ZFP82: variants seen among roughly 807,000 people sequenced by gnomAD.
ZFP82 encodes the protein zinc finger protein 82 homolog.
ZFP82 carries 30 observed loss-of-function variants against 54.0 expected under a neutral mutation model. The observed-to-expected ratio is 0.56, with a 90% confidence interval of 0.42 to 0.75. The LOEUF (loss-of-function observed/expected upper bound fraction) is 0.75, where lower values mean the gene tolerates loss of function less well. Ranked by LOEUF, ZFP82 falls within the 30% of genes least tolerant of loss-of-function variation. The probability of loss-of-function intolerance (pLI) is 0.00; values close to 1 mark genes in which losing one functional copy is unlikely to be tolerated. For synonymous variants in ZFP82, 194 were observed against 209.5 expected (o/e 0.93, Z 0.64); for missense variants, 500 against 636.8 (o/e 0.79, Z 2.31).
At position 36,409,702 on chromosome 19, in the gene ZFP82, T is replaced by C. The variant is rs1467935050; in HGVS notation, c.9+79A>G. On this transcript the variant is annotated intron_variant, in intron 2 of 4. Coordinates refer to ENST00000392161, the MANE Select transcript of ZFP82 (RefSeq NM_133466.4). ...AGAAGGTTCTTGGATGGAGCTCTGA[T>C]AGTAAGGAAGTTTCAGAATAAAAAA... The C allele has an allele frequency of 4.7e-6, 7 of 1,491,382 alleles. No homozygotes were observed. The African/African-American group carries it at 5.5e-5, about 12-fold the overall frequency. 92.4% of individuals were successfully genotyped at this position (1,491,382 alleles called of 1,614,324 possible). A position where few individuals can be genotyped will look rare whatever the true frequency, so the allele number is the denominator to read the frequency against.
chr19:36,388,395 T>C (rs2032140022), downstream of ZFP82, among the ~76,000 whole-genome samples: 1 of 152,134 alleles, frequency 6.6e-6, no homozygotes, highest in African/African-American at 2.4e-5. Flanking sequence ...TTACTGCCTG[T>C]AAATCTATAG....
chr19:36,396,146 T>A (rs2145582363), intron 4 of ZFP82: 1 of 151,512 alleles, frequency 6.6e-6, no homozygotes, highest in South Asian at 2.1e-4. Context: ...CCTCAAGTGA[T>A]CCTCCCACCT....
chr19:36,410,542 G>C (rs1342994842), intron 1 of ZFP82, among the ~76,000 whole-genome samples: 1 of 151,486 alleles, frequency 6.6e-6, no homozygotes, highest in Non-Finnish European at 1.5e-5. Flanking sequence ...TGCTCTTATT[G>C]CCCAGGTTGG....
intron 4 of ZFP82, among the ~76,000 whole-genome samples, chr19:36,397,879 C>T (rs1346344102): frequency 6.6e-6 from 1 of 152,144 alleles, no homozygotes; most frequent in Non-Finnish European, 1.5e-5. Flanking sequence ...AGCAACCATA[C>T]CCAGCCTAAA....
Position 36,390,423 on chromosome 19 carries a change from CTTT to C in ZFP82, c.*2315_*2317del, listed in dbSNP as rs1474153928. The C allele has an allele frequency of 7.2e-6, 1 of 138,076 alleles. No homozygotes were observed. The highest frequency in any genetic ancestry group is 7.8e-5 in the Admixed American group (1 of 12,838). The allele number at this position is 138,076 out of a possible 1,614,324, so 8.6% of individuals were successfully genotyped here. On this transcript the variant is annotated 3_prime_UTR_variant, in exon 5 of 5. Transcript: ENST00000392161. ...AAATTGTGCATTTGGTTGTTTGCTT[CTTT>C]GTGTTGTTAATTTGTTCTTTTATTC...
At chr19:36,385,542 G>T (rs2032105800), downstream of ZFP82, among the ~76,000 whole-genome samples, 1 of 152,178 alleles carries the variant, frequency 6.6e-6, no homozygotes, top group Non-Finnish European at 1.5e-5. Flanking sequence ...AAAGACTATT[G>T]CTGTGGGTGG....
At chr19:36,407,080 T>C (rs1207162605) in intron 3 of ZFP82, among the ~76,000 whole-genome samples, 5 of 143,808 alleles carry the variant, frequency 3.5e-5, no homozygotes, top group African/African-American at 1.3e-4. Context: ...TTTTCTTTTT[T>C]TTTTTTTTTT....
At chr19:36,417,662 G>A (rs538803034) in intron 1 of ZFP82, among the ~76,000 whole-genome samples, 1 of 152,270 alleles carries the variant, frequency 6.6e-6, no homozygotes, top group African/African-American at 2.4e-5. Context: ...CACATAACCA[G>A]AGTAACATAA....
At position 36,407,993 on chromosome 19, in the gene ZFP82, A is replaced by G. The variant is rs145432079; in HGVS notation, c.30T>C (p.Asp10=). The change falls in exon 3 of 5, where the codon GAT becomes GAC. Residue 10 remains aspartate (D), a synonymous_variant. Transcript: ENST00000392161. ...CTTCTGGAGAGAAGTCTATGGATAC[A>G]TCACTGAACATCACTGATCGCTGAA... is the stretch of plus-strand genomic sequence containing the variant. MALRSVMFS[D]VSIDFSPEEW... 2 of 1,613,596 alleles carry G rather than the reference A, an allele frequency of 1.2e-6. No individual in the cohort carries two copies. The highest frequency in any genetic ancestry group is 2.7e-5 in the African/African-American group (2 of 74,926).
At chr19:36,415,109 C>T (rs1160367740) in intron 1 of ZFP82, among the ~76,000 whole-genome samples, 1 of 152,226 alleles carries the variant, frequency 6.6e-6, no homozygotes, top group East Asian at 1.9e-4. Context: ...GCGTGAGCCA[C>T]CAGGCCCAAC....
In ZFP82 at chr19:36,393,411, T is replaced by G. The variant is rs745727983; in HGVS notation, c.929A>C (p.Tyr310Ser). ...HQKLNSADRLYECKECGKAFL... is the reference protein window; with the variant it reads ...HQKLNSADRLSECKECGKAFL... The stretch of plus-strand genomic sequence containing the variant: ...GGCCTTCCCACATTCTTTGCATTCA[T>G]AGAGCCTGTCAGCACTATTAAGCTT... The change falls in exon 5 of 5, where the codon TAT becomes TCT. Residue 310 changes from tyrosine (Y) to serine (S), a missense_variant. By Grantham distance (144) the Tyr-to-Ser change is moderately radical (BLOSUM62 -2). Transcript: ENST00000392161. 6.2e-6 allele frequency: 10 copies of G among 1,614,106 alleles called. No homozygotes were observed. Among genetic ancestry groups the G allele is most frequent in the Non-Finnish European group, 7.6e-6 (9 of 1,180,006 alleles).
rs1600097064 is a variant in ZFP82, at chr19:36,392,512, G to A, written c.*229C>T. Reference sequence around the variant, plus strand: ...CGTCTTGTCCAGTATGACACAAAGTGATGGGATAGGGATGACGGTAAATGT... The same window carrying A: ...CGTCTTGTCCAGTATGACACAAAGTAATGGGATAGGGATGACGGTAAATGT... On this transcript the variant is annotated 3_prime_UTR_variant, in exon 5 of 5. Transcript: ENST00000392161. 2.2e-6 allele frequency: 1 copy of A among 456,324 alleles called. No individual in the cohort carries two copies. The highest frequency in any genetic ancestry group is 3.5e-5 in the East Asian group (1 of 28,788). 28.3% of individuals were successfully genotyped at this position (456,324 alleles called of 1,614,324 possible). A position where few individuals can be genotyped will look rare whatever the true frequency, so the allele number is the denominator to read the frequency against.
chr19:36,416,801 G>A lies in ZFP82; in HGVS notation c.-79+1691C>T, dbSNP rs548864283. Among the ~76,000 whole-genome samples the A allele has an allele frequency of 1.5e-4, 23 of 149,454 alleles. 1 individual carries two copies. The South Asian group carries it at 2.1e-3, about 14-fold the overall frequency. ...AGAATTCCTGTTCTAGGCTGGGGGCGGTGGCTCATGCCTGTCATTCCAGCA... is the reference window on the plus strand; with the variant it reads ...AGAATTCCTGTTCTAGGCTGGGGGCAGTGGCTCATGCCTGTCATTCCAGCA... On this transcript the variant is annotated intron_variant, in intron 1 of 4. Transcript: ENST00000392161.
chr19:36,396,673 T>TA (rs930350098), intron 4 of ZFP82, among the ~76,000 whole-genome samples: 6 of 151,240 alleles, frequency 4.0e-5, no homozygotes, highest in Non-Finnish European at 7.4e-5. Context: ...AATACATACA[T>TA]AAATAAAGTA....
intron 1 of ZFP82, among the ~76,000 whole-genome samples, chr19:36,414,825 CTTT>C (rs11445531): frequency 7.0e-6 from 1 of 142,408 alleles, no homozygotes. Flanking sequence ...ATATTAAATA[CTTT>C]TTTTTTTTTT....
In ZFP82 at chr19:36,392,725, A is replaced by C. The variant is rs1214335324; in HGVS notation, c.*16T>G. On this transcript the variant is annotated 3_prime_UTR_variant, in exon 5 of 5. Transcript: ENST00000392161. The stretch of plus-strand genomic sequence containing the variant: ...TTCATAGAATGTTCTATAACACAGA[A>C]GTTGAAAAGACTTTCTTAGATTTTT... The C allele has an allele frequency of 2.0e-5, 31 of 1,536,060 alleles. No individual in the cohort carries two copies. The highest frequency in any genetic ancestry group is 2.7e-5 in the Non-Finnish European group (31 of 1,148,814).
chr19:36,398,936 T>G (rs942478747), intron 4 of ZFP82, among the ~76,000 whole-genome samples: 1 of 152,076 alleles, frequency 6.6e-6, no homozygotes, highest in Non-Finnish European at 1.5e-5. Context: ...AGTATTAGAG[T>G]TATTAGTCAA....
intron 1 of ZFP82, among the ~76,000 whole-genome samples, chr19:36,416,043 T>C (rs2032663460): frequency 6.6e-6 from 1 of 152,234 alleles, no homozygotes; most frequent in East Asian, 1.9e-4. Context: ...AAATGTTTTA[T>C]AAATCTCTAG....
intron 4 of ZFP82, among the ~76,000 whole-genome samples, chr19:36,404,493 G>C (rs142478899): frequency 4.6e-5 from 7 of 152,180 alleles, no homozygotes; most frequent in African/African-American, 1.7e-4. Flanking sequence ...CCTTGGACTG[G>C]TTTTGACTGG....
Sources: gnomAD v4.1 joint callset for allele counts (sites outside exome capture counted in the v4.1 genomes callset) on GRCh38, gnomAD v4.1.1 for gene constraint, MANE v1.5 for transcripts, NCBI Gene and HGNC (gene_info 2026-07-23, HGNC 2026-07-21) for gene names.